The following UNKL variants were observed in gnomAD, a reference collection of about 807,000 sequenced individuals.
The protein encoded by UNKL is unk like zinc finger, also known as putative E3 ubiquitin-protein ligase UNKL.
Under a neutral mutation model 78.0 loss-of-function variants are expected in UNKL, and 60 were observed. The observed-to-expected ratio is 0.77, with a 90% CI of 0.63 to 0.95. The LOEUF is 0.95. Ranked by LOEUF, UNKL falls within the 40% of genes least tolerant of loss-of-function variation. The probability of loss-of-function intolerance (pLI) is 0.00; values close to 1 mark genes in which losing one functional copy is unlikely to be tolerated. For missense variants in UNKL, 1,159 were observed against 1,045.7 expected (o/e 1.11, Z -1.49); for synonymous variants, 608 against 474.8 (o/e 1.28, Z -3.65).
At chr16:1,398,630 C>G in intron 5 of UNKL, 1 of 1,436,600 alleles carries the variant, frequency 7.0e-7, no homozygotes, top group Non-Finnish European at 9.1e-7. Context: ...GACAGGGCCT[C>G]AGGGAGGCCA....
rs59242731 is a variant in UNKL at position 1,364,673 on chromosome 16, G to A, written c.*1567C>T. The A allele has an allele frequency of 6.8e-6, 1 of 147,194 alleles. No homozygotes were observed. Among genetic ancestry groups the A allele is most frequent in the Non-Finnish European group, 1.5e-5 (1 of 66,294 alleles). The allele number at this position is 147,194 out of a possible 1,614,324, so 9.1% of individuals were successfully genotyped here. A position where few individuals can be genotyped will look rare whatever the true frequency, so the allele number is the denominator to read the frequency against. Reference sequence around the variant, plus strand: ...CCACAGCAGAGCCGGGACCTGGGGGGGGTCGCTTCCCCCGTGTGCTCCAGG... The same window carrying A: ...CCACAGCAGAGCCGGGACCTGGGGGAGGTCGCTTCCCCCGTGTGCTCCAGG... On this transcript the variant is annotated 3_prime_UTR_variant, in exon 15 of 15. Transcript: ENST00000389221.
intron 12 of UNKL, among the ~76,000 whole-genome samples, chr16:1,368,793 C>T (rs1464176017): frequency 1.3e-5 from 2 of 151,956 alleles, no homozygotes; most frequent in Admixed American, 6.6e-5. Flanking sequence ...CCCAGCTACT[C>T]GGGAGGCTGA....
rs1336186029 is a variant in UNKL, at chr16:1,364,191, C to T, written c.*2049G>A. 6.6e-6 allele frequency: 1 copy of T among 152,236 alleles called. No individual in the cohort carries two copies. The highest frequency in any genetic ancestry group is 2.1e-4 in the South Asian group (1 of 4,832). 9.4% of individuals were successfully genotyped at this position (152,236 alleles called of 1,614,324 possible). A position where few individuals can be genotyped will look rare whatever the true frequency, so the allele number is the denominator to read the frequency against. On this transcript the variant is annotated 3_prime_UTR_variant, in exon 15 of 15. Coordinates refer to ENST00000389221, the MANE Select transcript of UNKL (RefSeq NM_001372107.1). ...TGTAGTTAAAAACAAAATAGATTCA[C>T]TGAAACCAAGTCGATAGTTACCTTG...
intron 11 of UNKL, 109 bp from the exon 12 acceptor site, chr16:1,370,466 G>A: frequency 3.1e-6 from 4 of 1,274,416 alleles, no homozygotes; most frequent in Non-Finnish European, 3.2e-6. Flanking sequence ...TGGTGGTGGG[G>A]ATATGGGGGG....
At chr16:1,366,669 G>C (rs2035282948) in intron 14 of UNKL, among the ~76,000 whole-genome samples, 1 of 152,220 alleles carries the variant, frequency 6.6e-6, no homozygotes, top group African/African-American at 2.4e-5. Context: ...AGGCCCCTGA[G>C]GGCAGCTGGG....
intron 6 of UNKL, 123 bp from the exon 7 acceptor site, chr16:1,394,338 G>A (rs544379094): frequency 4.5e-5 from 54 of 1,198,926 alleles, no homozygotes; most frequent in Non-Finnish European, 6.0e-5. Context: ...CCCTGAAAAG[G>A]GGGGCGTGGG....
At position 1,403,662 on chromosome 16, in the gene UNKL, TA is replaced by T. The variant is rs927672212; in HGVS notation, c.288-319del. Among the ~76,000 whole-genome samples the T allele has an allele frequency of 2.0e-5, 3 of 152,238 alleles. No homozygotes were observed. Among genetic ancestry groups the T allele is most frequent in the Non-Finnish European group, 4.4e-5 (3 of 68,044 alleles). On this transcript the variant is annotated intron_variant, in intron 2 of 14. Transcript: ENST00000389221. This position sits in a 1 kb window ranked among gnomAD's most constrained non-coding sequence, Gnocchi z 4.8. The stretch of plus-strand genomic sequence containing the variant: ...GAATTTCCACAAAGCTCATCCTTCC[TA>T]ATGTTCCAAATAAACCTTTAAACCT...
At chr16:1,379,198 G>C (rs925209893) in intron 10 of UNKL, 2 of 152,814 alleles carry the variant, frequency 1.3e-5, no homozygotes, top group Admixed American at 6.5e-5. Flanking sequence ...GACAGGGCGG[G>C]GGAGCCGCCG....
At chr16:1,366,898 G>GGCTCCCAGGGGGAAAGGC (rs1555453373) in intron 14 of UNKL, among the ~76,000 whole-genome samples, 194 bp downstream of exon 14, 1 of 152,176 alleles carries the variant, frequency 6.6e-6, no homozygotes, top group Non-Finnish European at 1.5e-5. Flanking sequence ...CAGGAAAGGC[G>GGCTCCCAGGGGGAAAGGC]GCTCCCAGGG....
intron 4 of UNKL, among the ~76,000 whole-genome samples, chr16:1,400,691 T>C (rs903933532): frequency 5.9e-5 from 9 of 152,068 alleles, no homozygotes; most frequent in African/African-American, 2.2e-4. Context: ...GTGTGTATTT[T>C]ACATTTTTTT....
chr16:1,413,010 G>A (rs778411651), intron 2 of UNKL, among the ~76,000 whole-genome samples: 1 of 152,182 alleles, frequency 6.6e-6, no homozygotes, highest in South Asian at 2.1e-4. Flanking sequence ...CACTTTGGGA[G>A]GCTGAAGCAG....
intron 10 of UNKL, chr16:1,383,834 C>A: frequency 2.3e-6 from 1 of 439,402 alleles, no homozygotes; most frequent in Non-Finnish European, 4.6e-6. Context: ...GCCCCCACCA[C>A]GTGGCTCCAG....
In UNKL at chr16:1,367,717, T is replaced by C. The variant is rs377524509; in HGVS notation, c.1727A>G (p.Gln576Arg). ...GATCTTCCTCTTGGCCTCGTCCAGC[T>C]GCCGCCTGACCCGGGCCAGCTCAGC... ...NGAELARVRR[Q>R]LDEAKRKIRQ... The change falls in exon 13 of 15, where the codon CAG (glutamine) becomes CGG (arginine). Residue 576 changes from glutamine (Q) to arginine (R), a missense_variant. Coordinates refer to ENST00000389221, the MANE Select transcript of UNKL (RefSeq NM_001372107.1). 4.0e-4 allele frequency: 635 copies of C among 1,581,136 alleles called. 1 individual carries two copies. Among genetic ancestry groups the C allele is most frequent in the Non-Finnish European group, 4.7e-4 (552 of 1,164,534 alleles).
rs150215202 is a variant in UNKL at position 1,395,788 on chromosome 16, C to T, written c.852+1390G>A. On this transcript the variant is annotated intron_variant, in intron 6 of 14. Transcript: ENST00000389221. ...GCGTGACTGAACACAGAAAACGCCC[C>T]GGACACCGGACTCCCGACAGGCCCC... 345 of 455,940 alleles carry T rather than the reference C, an allele frequency of 7.6e-4. 2 individuals are homozygous for T. The highest frequency in any genetic ancestry group is 1.1e-3 in the Non-Finnish European group (246 of 226,344). The allele number at this position is 455,940 out of a possible 1,614,324, so 28.2% of individuals were successfully genotyped here. A position where few individuals can be genotyped will look rare whatever the true frequency, so the allele number is the denominator to read the frequency against.
At chr16:1,375,085 T>G (rs1596673066) in intron 10 of UNKL, among the ~76,000 whole-genome samples, 1 of 152,030 alleles carries the variant, frequency 6.6e-6, no homozygotes, top group Non-Finnish European at 1.5e-5. Flanking sequence ...GGGTGGCGGG[T>G]GGCCCCTCGC....
chr16:1,380,673 A>ATT lies in UNKL; in HGVS notation c.1264+4533_1264+4534dup, dbSNP rs57595079. Among the ~76,000 whole-genome samples, 223 of 99,376 alleles carry ATT rather than the reference A, an allele frequency of 2.2e-3. 13 individuals are homozygous for ATT. The highest frequency in any genetic ancestry group is 7.3e-3 in the African/African-American group (181 of 24,734). 65.2% of individuals were successfully genotyped at this position (99,376 alleles called of 152,430 possible). A position where few individuals can be genotyped will look rare whatever the true frequency, so the allele number is the denominator to read the frequency against. On this transcript the variant is annotated intron_variant, in intron 10 of 14. Coordinates refer to ENST00000389221, the MANE Select transcript of UNKL (RefSeq NM_001372107.1). Reference sequence around the variant, plus strand: ...TTCACCTCTGAGTAGCTGGTTCAGGATTTTTTTTTTTTTTTTTTTGAGAAC... The same window carrying ATT: ...TTCACCTCTGAGTAGCTGGTTCAGGATTTTTTTTTTTTTTTTTTTTTGAGAAC...
chr16:1,369,635 C>T (rs987245974), intron 12 of UNKL, among the ~76,000 whole-genome samples: 6 of 152,232 alleles, frequency 3.9e-5, no homozygotes, highest in African/African-American at 1.4e-4. Flanking sequence ...TCCCAAAGTG[C>T]TGGGATTACA....
chr16:1,377,394 T>C (rs1426797472), intron 10 of UNKL, among the ~76,000 whole-genome samples: 1 of 152,030 alleles, frequency 6.6e-6, no homozygotes, highest in African/African-American at 2.4e-5. Context: ...CTGTTGGTCC[T>C]GCCCGTCCTC....
At chr16:1,391,561 A>T (rs1196873955) in intron 8 of UNKL, among the ~76,000 whole-genome samples, 2 of 152,140 alleles carry the variant, frequency 1.3e-5, no homozygotes, top group African/African-American at 4.8e-5. Flanking sequence ...AGCCTCCCAA[A>T]GTGCCTGGTT....
Sources: gnomAD v4.1 joint callset for allele counts (sites outside exome capture counted in the v4.1 genomes callset) on GRCh38, gnomAD v4.1.1 for gene constraint, Gnocchi (gnomAD v3.1) non-coding constraint, MANE v1.5 for transcripts, NCBI Gene and HGNC (gene_info 2026-07-23, HGNC 2026-07-21) for gene names.